The following STOX2 variants were observed in gnomAD, a reference collection of about 807,000 sequenced individuals.
STOX2 encodes the protein storkhead box 2, also known as storkhead-box protein 2.
Under a neutral mutation model 60.9 loss-of-function variants are expected in STOX2, and 28 were observed. The ratio of observed to expected loss-of-function variants is 0.46; its 90% CI spans 0.34 to 0.63. The LOEUF is 0.63. Ranked by LOEUF, STOX2 falls within the 30% of genes least tolerant of loss-of-function variation. The pLI is 0.01. For synonymous variants in STOX2, 472 were observed against 463.9 expected (o/e 1.02, Z -0.22); for missense variants, 1,024 against 1,187.7 (o/e 0.86, Z 2.03).
chr4:183,906,614 TG>T lies in STOX2; in HGVS notation c.-170del, dbSNP rs970886510. The T allele has an allele frequency of 1.0e-5, 6 of 601,512 alleles. No individual in the cohort carries two copies. The highest frequency in any genetic ancestry group is 3.0e-5 in the East Asian group (1 of 33,160). 37.3% of individuals were successfully genotyped at this position (601,512 alleles called of 1,614,324 possible). ...AATCGGAGCCTTCGCCGTGGGGGTG[TG>T]GGGGGGCGTGGGGAGGGCCGGACCC... On this transcript the variant is annotated 5_prime_UTR_variant, in exon 1 of 4. It introduces an in-frame stop codon into an upstream open reading frame of the 5' UTR. Transcript: ENST00000308497.
At position 184,021,257 on chromosome 4, in the gene STOX2, T is replaced by C. The variant is rs1289820570; in HGVS notation, c.*3973T>C. Reference sequence around the variant, plus strand: ...CAGGTCATCTTTGTAATACGCATACTTACAACGAATTAACAAAAGGAGTGA... The same window carrying C: ...CAGGTCATCTTTGTAATACGCATACCTACAACGAATTAACAAAAGGAGTGA... On this transcript the variant is annotated 3_prime_UTR_variant, in exon 4 of 4. Transcript: ENST00000308497. The C allele has an allele frequency of 6.6e-6, 1 of 152,182 alleles. No homozygotes were observed. The highest frequency in any genetic ancestry group is 1.5e-5 in the Non-Finnish European group (1 of 68,040). The allele number at this position is 152,182 out of a possible 1,614,324, so 9.4% of individuals were successfully genotyped here. A position where few individuals can be genotyped will look rare whatever the true frequency, so the allele number is the denominator to read the frequency against.
At chr4:183,850,902 G>T (rs1740105522) in intron 1 of STOX2, among the ~76,000 whole-genome samples, 1 of 38,646 alleles carries the variant, frequency 2.6e-5, no homozygotes, top group Non-Finnish European at 7.9e-5. Flanking sequence ...GAAACGATGA[G>T]GGAAAGGATG....
At chr4:183,855,122 A>G (rs187464310) in intron 1 of STOX2, among the ~76,000 whole-genome samples, 1 of 152,366 alleles carries the variant, frequency 6.6e-6, no homozygotes, top group Admixed American at 6.5e-5. Flanking sequence ...GAAGGTGCAA[A>G]TAACAGAATT....
At chr4:183,992,291 C>T (rs1733146123) in intron 1 of STOX2, among the ~76,000 whole-genome samples, 1 of 151,594 alleles carries the variant, frequency 6.6e-6, no homozygotes, top group South Asian at 2.1e-4. Flanking sequence ...GAAATCAGTC[C>T]CACTACAGTT....
At chr4:183,985,722 A>C (rs1732812903) in intron 1 of STOX2, among the ~76,000 whole-genome samples, 1 of 152,116 alleles carries the variant, frequency 6.6e-6, no homozygotes, top group African/African-American at 2.4e-5. Context: ...TGTGTCTTTA[A>C]CTGTCAGGAG....
chr4:183,877,067 A>G (rs146284598), intron 1 of STOX2, among the ~76,000 whole-genome samples: 71 of 152,292 alleles, frequency 4.7e-4, no homozygotes, highest in African/African-American at 1.7e-3. Context: ...TTTTAATGCT[A>G]TAAATCTGTA....
intron 1 of STOX2, among the ~76,000 whole-genome samples, chr4:183,822,811 C>T (rs551426659): frequency 6.6e-6 from 1 of 152,308 alleles, no homozygotes; most frequent in African/African-American, 2.4e-5. Context: ...TGTATTTAAT[C>T]TTCATGGAAA....
chr4:183,965,093 GTGGT>G (rs909238892), intron 1 of STOX2, among the ~76,000 whole-genome samples: 1 of 152,146 alleles, frequency 6.6e-6, no homozygotes, highest in African/African-American at 2.4e-5. Context: ...AAAAGATATT[GTGGT>G]TGAATTTAAA....
chr4:183,953,202 T>C (rs945388661), intron 1 of STOX2, among the ~76,000 whole-genome samples: 15 of 151,910 alleles, frequency 9.9e-5, no homozygotes, highest in Admixed American at 5.9e-4. Flanking sequence ...AAAAAAAAAG[T>C]GTGGTGTTTC....
chr4:183,980,832 C>T (rs947702517), intron 1 of STOX2, among the ~76,000 whole-genome samples: 1 of 151,944 alleles, frequency 6.6e-6, no homozygotes, highest in Non-Finnish European at 1.5e-5. Flanking sequence ...ATATGGCAGT[C>T]TTTGCCACCT....
At chr4:183,966,202 C>G (rs898337238) in intron 1 of STOX2, among the ~76,000 whole-genome samples, 3 of 152,154 alleles carry the variant, frequency 2.0e-5, no homozygotes, top group Admixed American at 6.5e-5. Flanking sequence ...GGTGGGTGGG[C>G]CTGCCCCTGT....
chr4:184,010,551 C>T lies in STOX2; in HGVS notation c.1713C>T (p.Ser571=), dbSNP rs756828651. The T allele has an allele frequency of 1.4e-5, 22 of 1,613,752 alleles. No individual in the cohort carries two copies. In the East Asian group the frequency reaches 4.7e-4, roughly 34 times the overall value. The change falls in exon 3 of 4, where the codon AGC becomes AGT. Residue 571 remains serine (S), a synonymous_variant. Transcript: ENST00000308497. The surrounding 1 kb of genome is among the most constrained non-coding windows in gnomAD (Gnocchi z 4.5). ...GCAAGGAACCGTCCAGCGCTTGCAG[C>T]CTTTTGGAGCCAGGAAAACCACCCG... ...SGSKEPSSAC[S]LLEPGKPPES... is the part of the protein sequence containing the mutation.
intron 1 of STOX2, among the ~76,000 whole-genome samples, chr4:183,959,338 G>A (rs1206660141): frequency 1.3e-5 from 2 of 151,992 alleles, no homozygotes; most frequent in Non-Finnish European, 2.9e-5. Flanking sequence ...CGGAAGGGGG[G>A]GTTTTCAAAA....
Position 184,001,541 on chromosome 4 carries a change from G to A in STOX2, c.319+64G>A, listed in dbSNP as rs547730859. ...GTGCTGTGGTCGCTCTAGGACTCAC[G>A]TGGACTGTTCTGCCCATGTTTAAAG... On this transcript the variant is annotated intron_variant, in intron 2 of 3. Transcript: ENST00000308497. This position sits in a 1 kb window ranked among gnomAD's most constrained non-coding sequence, Gnocchi z 4.2. 74 of 1,523,770 alleles carry A rather than the reference G, an allele frequency of 4.9e-5. No homozygotes were observed. In the African/African-American group the frequency reaches 8.2e-4, roughly 17 times the overall value. 94.4% of individuals were successfully genotyped at this position (1,523,770 alleles called of 1,614,324 possible).
chr4:184,013,310 A>G (rs761860264), intron 3 of STOX2, among the ~76,000 whole-genome samples: 4 of 152,236 alleles, frequency 2.6e-5, no homozygotes, highest in Non-Finnish European at 4.4e-5. Context: ...ATATTTTACT[A>G]TCTCTAAACT....
chr4:183,965,340 A>G (rs550206399), intron 1 of STOX2, among the ~76,000 whole-genome samples: 9 of 152,328 alleles, frequency 5.9e-5, no homozygotes, highest in Admixed American at 5.2e-4. Flanking sequence ...TTGTGAACCT[A>G]TATGAAGTGT....
rs146783805 is a variant in STOX2 at position 183,958,091 on chromosome 4, A to G, written c.167-43234A>G. ...GTATTTACAACCCAAGATCGTGAAT[A>G]AGGCACCCTGGTTTCTTTCAGGGGG... On this transcript the variant is annotated intron_variant, in intron 1 of 3. Coordinates refer to ENST00000308497, the MANE Select transcript of STOX2 (RefSeq NM_020225.3). 3.1e-3 allele frequency among the ~76,000 whole-genome samples: 428 copies of G among 137,378 alleles called. 20 individuals are homozygous for G. The highest frequency in any genetic ancestry group is 9.3e-3 in the African/African-American group (318 of 34,080). The allele number at this position is 137,378 out of a possible 152,430, so 90.1% of individuals were successfully genotyped here.
At chr4:183,899,996 A>G (rs890264505) in intron 1 of STOX2, among the ~76,000 whole-genome samples, 1 of 152,122 alleles carries the variant, frequency 6.6e-6, no homozygotes, top group Non-Finnish European at 1.5e-5. Context: ...CATTTACTAT[A>G]CCAAAAAACT....
intron 1 of STOX2, among the ~76,000 whole-genome samples, chr4:183,844,177 T>G (rs1408051133): frequency 1.3e-5 from 2 of 152,196 alleles, no homozygotes; most frequent in Admixed American, 6.5e-5. Flanking sequence ...CAAGTAGATA[T>G]GAGGATGGCA....
Sources: allele counts gnomAD v4.1 joint callset (sites outside exome capture counted in the v4.1 genomes callset), GRCh38; gene constraint gnomAD v4.1.1; non-coding constraint Gnocchi (gnomAD v3.1); transcripts MANE v1.5; gene names NCBI Gene and HGNC (gene_info 2026-07-23, HGNC 2026-07-21).